Variants in ZKSCAN5 observed in about 807,000 individuals in gnomAD.
ZKSCAN5 encodes zinc finger protein with KRAB and SCAN domains 5.
Under a neutral mutation model 60.0 loss-of-function variants are expected in ZKSCAN5, and 28 were observed. The ratio of observed to expected loss-of-function variants is 0.47; its 90% confidence interval spans 0.35 to 0.64. The LOEUF (loss-of-function observed/expected upper bound fraction) is 0.64. Ranked by LOEUF, ZKSCAN5 falls within the 30% of genes least tolerant of loss-of-function variation. The pLI, the probability that ZKSCAN5 is intolerant of heterozygous loss-of-function variation, is 0.01. For missense variants in ZKSCAN5, 881 were observed against 1,034.6 expected, an observed-to-expected ratio of 0.85 and a Z score of 2.04; for synonymous variants, 361 against 371.2, an observed-to-expected ratio of 0.97 and a Z score of 0.31.
intron 6 of ZKSCAN5, among the ~76,000 whole-genome samples, chr7:99,529,987 G>A (rs1289241324): frequency 6.8e-6 from 1 of 146,036 alleles, no homozygotes; most frequent in Non-Finnish European, 1.5e-5. Context: ...ACCCACCTCG[G>A]CTTCCCAAAG....
intron 6 of ZKSCAN5, among the ~76,000 whole-genome samples, chr7:99,527,769 C>G (rs1801858217): frequency 6.6e-6 from 1 of 152,146 alleles, no homozygotes; most frequent in Non-Finnish European, 1.5e-5. Context: ...ACTGCAACCT[C>G]TGCCTCCCAG....
chr7:99,530,334 C>T (rs973567992), intron 6 of ZKSCAN5, among the ~76,000 whole-genome samples: 1 of 152,132 alleles, frequency 6.6e-6, no homozygotes, highest in Non-Finnish European at 1.5e-5. Flanking sequence ...CACGCCCGGC[C>T]TTTTGACTTC....
intron 6 of ZKSCAN5, among the ~76,000 whole-genome samples, chr7:99,527,649 G>A (rs1029353473): frequency 2.0e-5 from 3 of 151,844 alleles, no homozygotes; most frequent in Non-Finnish European, 2.9e-5. Flanking sequence ...CTTTTGTCCC[G>A]ATAACTGTTT....
intron 6 of ZKSCAN5, among the ~76,000 whole-genome samples, chr7:99,530,449 G>T (rs1801991919): frequency 6.6e-6 from 1 of 151,886 alleles, no homozygotes; most frequent in Non-Finnish European, 1.5e-5. Flanking sequence ...ATGTTTGTTG[G>T]TCATTTGTAT....
At position 99,532,019 on chromosome 7, in the gene ZKSCAN5, C is replaced by A. The variant is rs200698568; in HGVS notation, c.2290C>A (p.Gln764Lys). The change falls in exon 7 of 7, where the codon CAA (glutamine) becomes AAA (lysine). Residue 764 changes from glutamine to lysine, a missense_variant. Coordinates refer to ENST00000326775, the MANE Select transcript of ZKSCAN5 (RefSeq NM_145102.4). The part of the protein sequence containing the change: ...VGQCSHTKQH[Q>K]KIYSSTKSHQ... ...CCAGTGTTCCCACACCAAACAACAT[C>A]AAAAAATCTACTCCAGCACAAAATC... is the stretch of plus-strand genomic sequence containing the variant. 32 of 1,614,034 alleles carry A rather than the reference C, an allele frequency of 2.0e-5. No homozygotes were observed. Among genetic ancestry groups the A allele is most frequent in the Non-Finnish European group, 2.4e-5 (28 of 1,180,030 alleles).
chr7:99,506,121 T>A lies in ZKSCAN5; in HGVS notation c.77T>A (p.Phe26Tyr). Residue 26 changes from phenylalanine (F) to tyrosine (Y), a missense_variant, in exon 2 of 7, where the codon TTC becomes TAC. Physicochemically the swap from Phe to Tyr is conservative, Grantham distance 22 (BLOSUM62 3). Coordinates refer to ENST00000326775, the MANE Select transcript of ZKSCAN5 (RefSeq NM_145102.4). ...AETSQEQEDL[F>Y]IVKVEEEDCT... The stretch of plus-strand genomic sequence containing the variant: ...ACTTCCCAGGAGCAGGAAGACCTTT[T>A]CATAGTGAAGGTGGAAGAAGAAGAC... The A allele has an allele frequency of 6.2e-7, 1 of 1,614,154 alleles. No homozygotes were observed. Among genetic ancestry groups the A allele is most frequent in the Non-Finnish European group, 8.5e-7 (1 of 1,180,022 alleles).
intron 3 of ZKSCAN5, among the ~76,000 whole-genome samples, chr7:99,519,344 C>T (rs1434459766): frequency 1.4e-5 from 2 of 144,438 alleles, no homozygotes; most frequent in African/African-American, 5.1e-5. Context: ...GTGGTGCAAT[C>T]TTGGCTCATT....
At position 99,506,305 on chromosome 7, in the gene ZKSCAN5, G is replaced by A; in HGVS notation, c.261G>A (p.Glu87=). Residue 87 remains glutamate, a synonymous_variant, in exon 2 of 7, where the codon GAG becomes GAA. Transcript: ENST00000326775. ...TGAGGCCCGAGCTGCACACGAAGGA[G>A]CAGATCCTGGAGCTGCTGGTGCTGG... ...EWLRPELHTK[E]QILELLVLEQ... 1 of 1,614,222 alleles carries A rather than the reference G, an allele frequency of 6.2e-7. No homozygotes were observed. The highest frequency in any genetic ancestry group is 8.5e-7 in the Non-Finnish European group (1 of 1,180,036).
At chr7:99,524,442 C>A (rs938286670) in intron 5 of ZKSCAN5, among the ~76,000 whole-genome samples, 9 of 152,120 alleles carry the variant, frequency 5.9e-5, no homozygotes, top group African/African-American at 2.2e-4. Flanking sequence ...GAACTCCTGG[C>A]CTCAAGTGAA....
At chr7:99,520,410 A>T (rs751039763) in intron 5 of ZKSCAN5, 106 bp downstream of exon 5, 1 of 1,372,712 alleles carries the variant, frequency 7.3e-7, no homozygotes, top group Non-Finnish European at 9.7e-7. Context: ...ATGTGCTATG[A>T]CTTTGCTTTT....
chr7:99,508,230 C>G (rs1800854638), intron 2 of ZKSCAN5, among the ~76,000 whole-genome samples: 1 of 151,112 alleles, frequency 6.6e-6, no homozygotes, highest in Admixed American at 6.6e-5. Flanking sequence ...ACCTGGGAGT[C>G]GGAGGTTGCA....
intron 3 of ZKSCAN5, 80 bp from the exon 4 acceptor site, chr7:99,519,747 C>G (rs1584187825): frequency 1.4e-6 from 2 of 1,413,470 alleles, no homozygotes; most frequent in East Asian, 4.6e-5. Flanking sequence ...ATTATGGATT[C>G]CTGAGCATAA....
rs1802138143 is a variant in ZKSCAN5, at chr7:99,533,348, T to C, written c.*1099T>C. 1.6e-6 allele frequency: 1 copy of C among 614,584 alleles called. No individual in the cohort carries two copies. The highest frequency in any genetic ancestry group is 1.8e-5 in the African/African-American group (1 of 55,338). 38.1% of individuals were successfully genotyped at this position (614,584 alleles called of 1,614,324 possible). A position where few individuals can be genotyped will look rare whatever the true frequency, so the allele number is the denominator to read the frequency against. ...AAGAGGATGACATGTGTGAGAGAGT[T>C]CTGAGCCTGTTTGCTAGGGAGAGTG... On this transcript the variant is annotated 3_prime_UTR_variant, in exon 7 of 7. Transcript: ENST00000326775.
chr7:99,505,895 CTCT>C (rs1562899786), intron 1 of ZKSCAN5, 107 bp from the exon 2 acceptor site: 2 of 904,640 alleles, frequency 2.2e-6, no homozygotes, highest in African/African-American at 3.4e-5. Flanking sequence ...TATAGATGAC[CTCT>C]TTGCCATCTG....
chr7:99,519,965 G>T, intron 4 of ZKSCAN5, 56 bp downstream of exon 4: 2 of 1,596,026 alleles, frequency 1.3e-6, no homozygotes, highest in Non-Finnish European at 1.7e-6. Context: ...TTCACCAAGA[G>T]TTCTGTTTCT....
At chr7:99,507,736 C>T (rs1800834337) in intron 2 of ZKSCAN5, among the ~76,000 whole-genome samples, 1 of 151,178 alleles carries the variant, frequency 6.6e-6, no homozygotes, top group Non-Finnish European at 1.5e-5. Flanking sequence ...CCCATCTCTA[C>T]CAGAAAAACC....
At chr7:99,520,388 C>A in intron 5 of ZKSCAN5, 84 bp downstream of exon 5, 1 of 1,446,638 alleles carries the variant, frequency 6.9e-7, no homozygotes, top group Non-Finnish European at 9.2e-7. Flanking sequence ...CTTATAATGG[C>A]ATTTATGTTT....
chr7:99,527,936 G>C (rs549834077), intron 6 of ZKSCAN5, among the ~76,000 whole-genome samples: 1 of 151,886 alleles, frequency 6.6e-6, no homozygotes, highest in Admixed American at 6.6e-5. Flanking sequence ...TGATCCACCC[G>C]CCTTGGCCTC....
chr7:99,513,097 G>T (rs547108672), intron 3 of ZKSCAN5, among the ~76,000 whole-genome samples: 2 of 150,836 alleles, frequency 1.3e-5, no homozygotes, highest in African/African-American at 2.4e-5. Context: ...TTGTTCTTGC[G>T]ATAGTTTACT....
Sources: allele counts gnomAD v4.1 joint callset (sites outside exome capture counted in the v4.1 genomes callset), GRCh38; gene constraint gnomAD v4.1.1; transcripts MANE v1.5; gene names NCBI Gene and HGNC (gene_info 2026-07-23, HGNC 2026-07-21).